Variants in TRMO observed in about 807,000 individuals in gnomAD.
TRMO encodes the protein tRNA (adenine(37)-N6)-methyltransferase.
In TRMO, 30 loss-of-function variants were observed where a neutral mutation model predicts 37.2. That is an observed-to-expected ratio of 0.81 (90% confidence interval 0.60 to 1.09). The LOEUF (loss-of-function observed/expected upper bound fraction) is 1.09, where lower values mean the gene tolerates loss of function less well. Among genes scored for constraint, TRMO ranks in the 50% least tolerant of loss-of-function variants. The pLI, the probability that TRMO is intolerant of heterozygous loss-of-function variation, is 0.00. For synonymous variants in TRMO, 239 were observed against 199.4 expected, an observed-to-expected ratio of 1.20 and a Z score of -1.67; for missense variants, 552 against 549.5, an observed-to-expected ratio of 1.00 and a Z score of -0.05.
chr9:97,901,825 C>CT (rs1831176217), downstream of TRMO, among the ~76,000 whole-genome samples: 1 of 151,648 alleles, frequency 6.6e-6, no homozygotes, highest in South Asian at 2.1e-4. Flanking sequence ...AGACAGACAG[C>CT]TTGTTTCAAA....
intron 3 of TRMO, chr9:97,912,016 A>C (rs1463279613): frequency 1.3e-5 from 2 of 152,254 alleles, no homozygotes; most frequent in Admixed American, 1.3e-4. Context: ...GCACTGTAGC[A>C]TAAGTAAGAC....
At chr9:97,902,836 C>G (rs568734617), downstream of TRMO, among the ~76,000 whole-genome samples, 1 of 152,074 alleles carries the variant, frequency 6.6e-6, no homozygotes, top group Non-Finnish European at 1.5e-5. Flanking sequence ...CTACCTTTAA[C>G]GTTTACTATA....
chr9:97,901,248 G>C (rs982635368), downstream of TRMO, among the ~76,000 whole-genome samples: 3 of 74,992 alleles, frequency 4.0e-5, no homozygotes, highest in African/African-American at 3.6e-4. Context: ...GCCTAGTAGA[G>C]AATTGTTTCT....
In TRMO at chr9:97,913,490, T is replaced by C; in HGVS notation, c.320A>G (p.Asn107Ser). 2 of 1,614,130 alleles carry C rather than the reference T, an allele frequency of 1.2e-6. No individual in the cohort carries two copies. The highest frequency in any genetic ancestry group is 4.5e-5 in the East Asian group (2 of 44,874). The change falls in exon 3 of 5, where the codon AAT (asparagine) becomes AGT (serine). Residue 107 changes from asparagine (N) to serine (S), a missense_variant. Transcript: ENST00000375119. ...CKAKVQPPRL[N>S]GAKTGVFSTR... ...GGAAAAAACTCCAGTCTTTGCACCATTCAGCCTAGGAGGCTGCACTTTTGC... is the reference window on the plus strand; with the variant it reads ...GGAAAAAACTCCAGTCTTTGCACCACTCAGCCTAGGAGGCTGCACTTTTGC...
intron 1 of TRMO, among the ~76,000 whole-genome samples, chr9:97,920,188 T>C (rs1826562086): frequency 6.6e-6 from 1 of 152,204 alleles, no homozygotes; most frequent in Admixed American, 6.5e-5. Flanking sequence ...GGGGTACAAA[T>C]ATGAACCAGT....
rs140862498 is a variant in TRMO at position 97,921,584 on chromosome 9, G to A, written c.76+834C>T. Among the ~76,000 whole-genome samples the A allele has an allele frequency of 4.8e-3, 726 of 152,036 alleles. 6 individuals carry two copies. Among genetic ancestry groups the A allele is most frequent in the African/African-American group, 0.017 (697 of 41,496 alleles). On this transcript the variant is annotated intron_variant, in intron 1 of 4. Coordinates refer to ENST00000375119, the MANE Select transcript of TRMO (RefSeq NM_016481.5). The stretch of plus-strand genomic sequence containing the variant: ...ACTACAGGAGCCCACCACCACGCCC[G>A]GCTGATTTTTTTGTATTTTTTAGTA...
downstream of TRMO, among the ~76,000 whole-genome samples, chr9:97,900,388 G>A (rs965499085): frequency 1.3e-5 from 2 of 152,250 alleles, no homozygotes; most frequent in Non-Finnish European, 2.9e-5. Context: ...AGTGCTCTTC[G>A]TATTTCCCAT....
Position 97,913,522 on chromosome 9 carries a change from G to C in TRMO, c.288C>G (p.Ser96Arg), listed in dbSNP as rs373097511. ...LFVFHKNGHL[S>R]CKAKVQPPRL... is the part of the protein sequence containing the mutation. ...TAGGAGGCTGCACTTTTGCCTTACA[G>C]CTCAAATGACCATTTTTGTGAAAAA... Residue 96 changes from serine (S) to arginine (R), a missense_variant, in exon 3 of 5, where the codon AGC becomes AGG. By Grantham distance (110) the Ser-to-Arg change is moderately radical (BLOSUM62 -1). Coordinates refer to ENST00000375119, the MANE Select transcript of TRMO (RefSeq NM_016481.5). 4.9e-5 allele frequency: 79 copies of C among 1,612,148 alleles called. No individual in the cohort carries two copies. Among genetic ancestry groups the C allele is most frequent in the Non-Finnish European group, 6.7e-5 (79 of 1,179,282 alleles).
rs760779497 is a variant in TRMO, at chr9:97,913,543, A to G, written c.267T>C (p.Phe89=). 2.5e-6 allele frequency: 4 copies of G among 1,607,052 alleles called. No individual in the cohort carries two copies. In the Admixed American group the frequency reaches 6.7e-5, roughly 27 times the overall value. ...TACAGCTCAAATGACCATTTTTGTG[A>G]AAAACAAACAAAATCCTATAGAAAA... ...QFSHVWILFV[F]HKNGHLSCKA... Residue 89 remains phenylalanine (F), a synonymous_variant, in exon 3 of 5, where the codon TTT becomes TTC. Coordinates refer to ENST00000375119, the MANE Select transcript of TRMO (RefSeq NM_016481.5).
In TRMO at chr9:97,910,189, G is replaced by A; in HGVS notation, c.837C>T (p.Ser279=). 2 of 1,614,206 alleles carry A rather than the reference G, an allele frequency of 1.2e-6. No homozygotes were observed. The highest frequency in any genetic ancestry group is 1.7e-6 in the Non-Finnish European group (2 of 1,180,042). The part of the protein sequence containing the change: ...EQIGPYCPEK[S]FSEKGTDKKL... ...TCTTGTCTGTACCTTTCTCTGAAAA[G>A]CTCTTCTCTGGGCAATATGGGCCAA... Residue 279 remains serine (S), a synonymous_variant, in exon 4 of 5, where the codon AGC becomes AGT. Transcript: ENST00000375119.
chr9:97,899,430 G>GTATTTATTTATTTATTTATT, the TRMO span, among the ~76,000 whole-genome samples: 2 of 149,398 alleles, frequency 1.3e-5, no homozygotes, highest in African/African-American at 5.0e-5. Context: ...TTTTATGTAC[G>GTATTTATTTATTTATTTATT]TATTTATTTA....
rs752584462 is a variant in TRMO at position 97,910,558 on chromosome 9, G to A, written c.468C>T (p.Ile156=). 6.2e-7 allele frequency: 1 copy of A among 1,614,110 alleles called. No individual in the cohort carries two copies. The highest frequency in any genetic ancestry group is 8.5e-7 in the Non-Finnish European group (1 of 1,179,948). ...AGTCATACTCAGCTATGTAGGGCTTGATGTCTAGTACGGGTGTGCCATGTA... is the reference window on the plus strand; with the variant it reads ...AGTCATACTCAGCTATGTAGGGCTTAATGTCTAGTACGGGTGTGCCATGTA... ...DMIHGTPVLD[I]KPYIAEYDSP... is the part of the protein sequence containing the mutation. The change falls in exon 4 of 5, where the codon ATC becomes ATT. Residue 156 remains isoleucine, a synonymous_variant. Coordinates refer to ENST00000375119, the MANE Select transcript of TRMO (RefSeq NM_016481.5).
At chr9:97,912,798 T>C (rs1826182342) in intron 3 of TRMO, 7 of 592,570 alleles carry the variant, frequency 1.2e-5, no homozygotes, top group East Asian at 1.4e-4. Flanking sequence ...TAGGTCAGAA[T>C]GGAATGCTTT....
intron 1 of TRMO, among the ~76,000 whole-genome samples, chr9:97,921,929 A>C (rs1826658888): frequency 6.6e-6 from 1 of 152,178 alleles, no homozygotes; most frequent in African/African-American, 2.4e-5. Flanking sequence ...TTCTAAAGCT[A>C]ATATATTCCT....
At chr9:97,919,054 CTG>C (rs1178285209) in intron 1 of TRMO, among the ~76,000 whole-genome samples, 1 of 152,192 alleles carries the variant, frequency 6.6e-6, no homozygotes, top group East Asian at 1.9e-4. Context: ...CATACATACT[CTG>C]TATGTTTTTG....
rs1205049397 is a variant in TRMO at position 97,921,423 on chromosome 9, A to ATT, written c.76+993_76+994dup. Reference sequence around the variant, plus strand: ...TTAATAATAACAAAACAAAGTGTTAATTTTTTTTTTTTTTTTTTGAGACGG... The same window carrying ATT: ...TTAATAATAACAAAACAAAGTGTTAATTTTTTTTTTTTTTTTTTTTGAGACGG... On this transcript the variant is annotated intron_variant, in intron 1 of 4. Coordinates refer to ENST00000375119, the MANE Select transcript of TRMO (RefSeq NM_016481.5). 7.0e-3 allele frequency among the ~76,000 whole-genome samples: 978 copies of ATT among 140,236 alleles called. 15 individuals carry two copies. Among genetic ancestry groups the ATT allele is most frequent in the African/African-American group, 0.02 (778 of 38,136 alleles). 92.0% of individuals were successfully genotyped at this position (140,236 alleles called of 152,430 possible).
At chr9:97,906,613 T>C (rs1825863350) in intron 4 of TRMO, among the ~76,000 whole-genome samples, 2 of 152,128 alleles carry the variant, frequency 1.3e-5, no homozygotes, top group African/African-American at 4.8e-5. Flanking sequence ...AATTTCTCAT[T>C]TTAATCATTT....
chr9:97,901,780 G>T (rs934976094), downstream of TRMO, among the ~76,000 whole-genome samples: 1 of 151,850 alleles, frequency 6.6e-6, no homozygotes, highest in African/African-American at 2.4e-5. Flanking sequence ...AGCTTGGATG[G>T]ATAAATAAAG....
chr9:97,898,886 C>T, the TRMO span, among the ~76,000 whole-genome samples: 1 of 133,986 alleles, frequency 7.5e-6, no homozygotes, highest in African/African-American at 3.0e-5. Context: ...GTCAGCCAGG[C>T]TGGAGTGCAG....
Sources: allele counts gnomAD v4.1 joint callset (sites outside exome capture counted in the v4.1 genomes callset), GRCh38; gene constraint gnomAD v4.1.1; transcripts MANE v1.5; gene names NCBI Gene and HGNC (gene_info 2026-07-23, HGNC 2026-07-21).